RFC1: variants seen among roughly 807,000 people sequenced by gnomAD.
RFC1 encodes replication factor C subunit 1.
In RFC1, 37 loss-of-function variants were observed where a neutral mutation model predicts 137.4. That is an observed-to-expected ratio of 0.27 (90% CI 0.21 to 0.35). RFC1 has a LOEUF of 0.35. Ranked by LOEUF, RFC1 falls within the 10% of genes least tolerant of loss-of-function variation. The pLI, the probability that RFC1 is intolerant of heterozygous loss-of-function variation, is 1.00. For synonymous variants in RFC1, 429 were observed against 455.7 expected, an observed-to-expected ratio of 0.94 and a Z score of 0.75; for missense variants, 1,205 against 1,358.5, an observed-to-expected ratio of 0.89 and a Z score of 1.78.
At chr4:39,348,502 T>C (rs1427519504) in intron 2 of RFC1, among the ~76,000 whole-genome samples, 1 of 135,736 alleles carries the variant, frequency 7.4e-6, no homozygotes, top group Non-Finnish European at 1.6e-5. Context: ...CTAAAGAGAA[T>C]AGCAACGGTG....
Position 39,348,094 on chromosome 4 carries a change from T to C in RFC1, c.133-2618A>G, listed in dbSNP as rs148887511. 2.0e-3 allele frequency among the ~76,000 whole-genome samples: 305 copies of C among 152,172 alleles called. 2 individuals carry two copies. The highest frequency in any genetic ancestry group is 6.6e-3 in the African/African-American group (276 of 41,518). ...CCAAAAGGGACCAGAACTTGAAGATTTGTAAAATTCTCAGCCTGTCCGTAT... is the reference window on the plus strand; with the variant it reads ...CCAAAAGGGACCAGAACTTGAAGATCTGTAAAATTCTCAGCCTGTCCGTAT... On this transcript the variant is annotated intron_variant, in intron 2 of 24. Transcript: ENST00000349703.
intron 21 of RFC1, among the ~76,000 whole-genome samples, chr4:39,299,023 G>C (rs904233672): frequency 6.6e-6 from 1 of 152,198 alleles, no homozygotes; most frequent in African/African-American, 2.4e-5. Context: ...GCCCACACTG[G>C]AAGGTTGTGG....
In RFC1 at chr4:39,303,071, C is replaced by G. The variant is rs750181204; in HGVS notation, c.2191G>C (p.Gly731Arg). 12 of 1,611,304 alleles carry G rather than the reference C, an allele frequency of 7.4e-6. No individual in the cohort carries two copies. Among genetic ancestry groups the G allele is most frequent in the Middle Eastern group, 1.6e-4 (1 of 6,082 alleles). ...VDGMAGNEDR[G>R]GIQELIGLIK... ...AGCACTTGAATTACCTGAATTCCTC[C>G]CCTATCCTCATTGCCTGCCATGCCA... is the stretch of plus-strand genomic sequence containing the variant. The change falls in exon 16 of 25, where the codon GGA becomes CGA. Residue 731 changes from glycine to arginine, a missense_variant. Around this residue, in one of 3 missense-constraint regions of RFC1, gnomAD observed 962 missense variants for 1,035.3 expected, o/e 0.93. Transcript: ENST00000349703.
intron 23 of RFC1, among the ~76,000 whole-genome samples, chr4:39,291,033 G>A (rs1459984570): frequency 2.0e-5 from 3 of 152,042 alleles, no homozygotes; most frequent in Non-Finnish European, 2.9e-5. Context: ...CCATAAAGTC[G>A]GGTCAAAATT....
intron 21 of RFC1, among the ~76,000 whole-genome samples, chr4:39,298,061 C>A (rs950003482): frequency 1.3e-5 from 2 of 152,064 alleles, no homozygotes; most frequent in South Asian, 2.1e-4. Context: ...ATGCCAGTAA[C>A]CCCAGCACTT....
At chr4:39,348,188 G>A (rs531280791) in intron 2 of RFC1, among the ~76,000 whole-genome samples, 262 of 151,994 alleles carry the variant, frequency 1.7e-3, no homozygotes, top group Non-Finnish European at 3.2e-3. Context: ...AGCATTGTGG[G>A]AGACAGGCCA....
intron 18 of RFC1, 23 bp from the exon 19 acceptor site, chr4:39,302,399 A>G: frequency 1.9e-6 from 3 of 1,584,422 alleles, no homozygotes; most frequent in Non-Finnish European, 2.6e-6. Flanking sequence ...CAAATAAGAC[A>G]ACGTCAAGAT....
intron 21 of RFC1, 42 bp from the exon 22 acceptor site, chr4:39,295,801 C>A (rs1737957308): frequency 2.5e-6 from 4 of 1,576,910 alleles, no homozygotes; most frequent in Non-Finnish European, 3.5e-6. Flanking sequence ...ATGTTCCGTA[C>A]AAAGTTACTT....
At chr4:39,289,682 T>C (rs1578095611) in intron 24 of RFC1, 166 bp downstream of exon 24, 17 of 569,948 alleles carry the variant, frequency 3.0e-5, no homozygotes, top group Non-Finnish European at 5.0e-5. Flanking sequence ...TAAGAAACTT[T>C]ATAAAAATGA....
At chr4:39,291,608 T>C (rs1737679772) in intron 23 of RFC1, 31 bp downstream of exon 23, 3 of 1,478,000 alleles carry the variant, frequency 2.0e-6, no homozygotes, top group Non-Finnish European at 2.8e-6. Flanking sequence ...TAATAGAAAG[T>C]GACGAAGAAC....
At chr4:39,312,705 A>C (rs1291645615) in intron 11 of RFC1, 47 bp downstream of exon 11, 1 of 1,542,852 alleles carries the variant, frequency 6.5e-7, no homozygotes, top group African/African-American at 1.4e-5. Context: ...AGAGTGTGCC[A>C]AGGCAGGCAG....
Position 39,321,296 on chromosome 4 carries a change from G to A in RFC1, c.799C>T (p.Pro267Ser), listed in dbSNP as rs753366121. 9 of 1,612,468 alleles carry A rather than the reference G, an allele frequency of 5.6e-6. No individual in the cohort carries two copies. The Admixed American group carries it at 1.2e-4, about 21-fold the overall frequency. ...TTTCTGCTAGTATTACCTTTATGAGGATATTTATGTTTTTCTGCTTTACTT... is the reference window on the plus strand; with the variant it reads ...TTTCTGCTAGTATTACCTTTATGAGAATATTTATGTTTTTCTGCTTTACTT... ...NLSKAEKHKY[P>S]HKVKTAQVSD... Residue 267 changes from proline to serine, a missense_variant, in exon 8 of 25, where the codon CCT becomes TCT. Around this residue, in one of 3 missense-constraint regions of RFC1, gnomAD observed 962 missense variants for 1,035.3 expected, o/e 0.93. Transcript: ENST00000349703.
intron 9 of RFC1, among the ~76,000 whole-genome samples, chr4:39,318,984 A>G (rs1239830800): frequency 6.6e-6 from 1 of 152,232 alleles, no homozygotes; most frequent in African/African-American, 2.4e-5. Flanking sequence ...CTTCTCAAAT[A>G]TATTTCCTAG....
At chr4:39,365,695 T>G (rs1317559383) in intron 1 of RFC1, among the ~76,000 whole-genome samples, 2 of 152,162 alleles carry the variant, frequency 1.3e-5, no homozygotes. Flanking sequence ...CAAAATAAAA[T>G]ATCCTCTCCA....
chr4:39,351,738 G>A (rs1293916398), intron 1 of RFC1, among the ~76,000 whole-genome samples: 2 of 152,098 alleles, frequency 1.3e-5, no homozygotes, highest in African/African-American at 4.8e-5. Flanking sequence ...GAGGTGGGTG[G>A]ATCACTTGAG....
At chr4:39,315,558 C>T (rs1739197481) in intron 10 of RFC1, among the ~76,000 whole-genome samples, 1 of 152,212 alleles carries the variant, frequency 6.6e-6, no homozygotes. Context: ...TACTCAGCAT[C>T]TCCATGTGGA....
intron 6 of RFC1, among the ~76,000 whole-genome samples, chr4:39,325,242 C>T (rs1241313684): frequency 6.6e-6 from 1 of 152,230 alleles, no homozygotes; most frequent in East Asian, 1.9e-4. Context: ...CAACCACCTA[C>T]TCTGCCTTTC....
intron 2 of RFC1, 151 bp from the exon 3 acceptor site, chr4:39,345,627 T>C: frequency 1.7e-6 from 1 of 573,806 alleles, no homozygotes; most frequent in Non-Finnish European, 3.0e-6. Flanking sequence ...TTCACGCCAT[T>C]CTCCTGCCTC....
chr4:39,354,749 CAAA>C lies in RFC1; in HGVS notation c.4-3276_4-3274del, dbSNP rs34342477. Among the ~76,000 whole-genome samples, 139 of 51,012 alleles carry C rather than the reference CAAA, an allele frequency of 2.7e-3. 1 individual carries two copies. The highest frequency in any genetic ancestry group is 1.0e-2 in the African/African-American group (132 of 13,250). 33.5% of individuals were successfully genotyped at this position (51,012 alleles called of 152,430 possible). ...CCTGGACAACATAGTGAAACTATCT[CAAA>C]AAAAAAAAAAAAAAAAAAAAAGCAA... is the stretch of plus-strand genomic sequence containing the variant. On this transcript the variant is annotated intron_variant, in intron 1 of 24. Coordinates refer to ENST00000349703, the MANE Select transcript of RFC1 (RefSeq NM_002913.5).
Sources: allele counts gnomAD v4.1 joint callset (sites outside exome capture counted in the v4.1 genomes callset), GRCh38; gene constraint gnomAD v4.1.1; regional missense constraint gnomAD v4.1.1; transcripts MANE v1.5; gene names NCBI Gene and HGNC (gene_info 2026-07-23, HGNC 2026-07-21).